The following SEMA4D variants were observed in gnomAD, a reference collection of about 807,000 sequenced individuals.
The protein encoded by SEMA4D is semaphorin 4D.
A neutral mutation model predicts 74.8 loss-of-function variants in SEMA4D; 22 were observed. That is an observed-to-expected ratio of 0.29 (90% CI 0.21 to 0.42). The LOEUF (loss-of-function observed/expected upper bound fraction) is 0.42, where lower values mean the gene tolerates loss of function less well. Ranked by LOEUF, SEMA4D falls within the 10% of genes least tolerant of loss-of-function variation. The pLI, the probability that SEMA4D is intolerant of heterozygous loss-of-function variation, is 1.00. For missense variants in SEMA4D, 937 were observed against 1,118.4 expected (o/e 0.84, Z 2.31); for synonymous variants, 445 against 463.7 (o/e 0.96, Z 0.52).
At chr9:89,475,108 A>AAGAACCTGC (rs935451850) in intron 1 of SEMA4D, among the ~76,000 whole-genome samples, 22 of 152,202 alleles carry the variant, frequency 1.4e-4, no homozygotes, top group Admixed American at 3.3e-4. Flanking sequence ...CAGGATGAGA[A>AAGAACCTGC]AGAACCTGCA....
chr9:89,455,068 G>T (rs550892783), intron 2 of SEMA4D, among the ~76,000 whole-genome samples: 1 of 152,242 alleles, frequency 6.6e-6, no homozygotes, highest in Admixed American at 6.5e-5. Flanking sequence ...CAGAGAAAAC[G>T]GGTAGCCTGG....
intron 13 of SEMA4D, chr9:89,386,064 T>C (rs1232340935): frequency 2.0e-6 from 2 of 985,190 alleles, no homozygotes; most frequent in African/African-American, 3.5e-5. Context: ...CATAAAAAGG[T>C]GTCTTCATGG....
rs1226787014 is a variant in SEMA4D, at chr9:89,363,542, G to A, written c.2093-15C>T. 4 of 1,613,674 alleles carry A rather than the reference G, an allele frequency of 2.5e-6. No individual in the cohort carries two copies. The South Asian group carries it at 3.3e-5, about 13-fold the overall frequency. On this transcript the variant is annotated splice_polypyrimidine_tract_variant and intron_variant, in intron 17 of 18. Coordinates refer to the SEMA4D transcript ENST00000339861. ...GTGGGTCACTTCTGGAAAACAAGCA[G>A]GGTCCCCAGGTCAAAGCTCTGTGGG...
At chr9:89,370,502 G>C (rs1422252004) in intron 16 of SEMA4D, among the ~76,000 whole-genome samples, 2 of 150,740 alleles carry the variant, frequency 1.3e-5, no homozygotes, top group African/African-American at 4.9e-5. Flanking sequence ...GAGGTATGGT[G>C]TGTGTGTGAT....
chr9:89,380,328 C>T (rs1237239923), intron 15 of SEMA4D, among the ~76,000 whole-genome samples: 2 of 151,952 alleles, frequency 1.3e-5, no homozygotes, highest in African/African-American at 2.4e-5. Context: ...CCACTGTGCC[C>T]GGCCAGCTTT....
At chr9:89,439,823 G>A (rs1023788313) in intron 2 of SEMA4D, among the ~76,000 whole-genome samples, 3 of 152,190 alleles carry the variant, frequency 2.0e-5, no homozygotes, top group Admixed American at 6.5e-5. Context: ...AAAAGTCAGT[G>A]ATGCCCCCAC....
intron 2 of SEMA4D, among the ~76,000 whole-genome samples, chr9:89,423,834 C>T (rs1847524133): frequency 6.8e-6 from 1 of 146,596 alleles, no homozygotes; most frequent in Admixed American, 6.7e-5. Context: ...CCTCCCTCAG[C>T]TACTCCCTCA....
At chr9:89,389,489 C>T (rs995708435) in intron 9 of SEMA4D, among the ~76,000 whole-genome samples, 2 of 152,362 alleles carry the variant, frequency 1.3e-5, no homozygotes, top group Non-Finnish European at 1.5e-5. Context: ...GGACAGCCAC[C>T]GGCCCTGCAG....
intron 1 of SEMA4D, among the ~76,000 whole-genome samples, chr9:89,456,761 A>G (rs1415838326): frequency 6.6e-6 from 1 of 152,110 alleles, no homozygotes; most frequent in Non-Finnish European, 1.5e-5. Context: ...TGATTTTTGT[A>G]TCTTTTTTAG....
At chr9:89,387,171 T>C in intron 12 of SEMA4D, 1 of 535,548 alleles carries the variant, frequency 1.9e-6, no homozygotes, top group Non-Finnish European at 3.3e-6. Context: ...TTTTTATTTT[T>C]AACAAGTACC....
rs560843028 is a variant in SEMA4D, at chr9:89,441,288, T to C, written c.-244+14600A>G. Among the ~76,000 whole-genome samples the C allele has an allele frequency of 3.9e-5, 6 of 152,356 alleles. No individual in the cohort carries two copies. The South Asian group carries it at 1.2e-3, about 32-fold the overall frequency. On this transcript the variant is annotated intron_variant, in intron 2 of 15. Coordinates refer to ENST00000422704, the MANE Select transcript of SEMA4D (RefSeq NM_001371194.2). ...GCAGGACTCGGCCGGGCGGCACTGT[T>C]CCTCCCAGCAGCGGGCAATTTCCAC...
At chr9:89,427,817 G>A (rs1008036879) in intron 2 of SEMA4D, among the ~76,000 whole-genome samples, 4 of 152,202 alleles carry the variant, frequency 2.6e-5, no homozygotes, top group Admixed American at 2.0e-4. Flanking sequence ...GAATGTGTGC[G>A]ACGTGGCGGG....
chr9:89,412,458 T>C (rs1844744201), intron 2 of SEMA4D, among the ~76,000 whole-genome samples: 1 of 152,222 alleles, frequency 6.6e-6, no homozygotes, highest in Non-Finnish European at 1.5e-5. Context: ...TGGTGCTGTT[T>C]ATGCGGTTAC....
In SEMA4D at chr9:89,378,479, A is replaced by G. The variant is rs1836223030; in HGVS notation, c.*225T>C. 1 of 538,892 alleles carries G rather than the reference A, an allele frequency of 1.9e-6. No individual in the cohort carries two copies. The highest frequency in any genetic ancestry group is 3.3e-6 in the Non-Finnish European group (1 of 301,868). The allele number at this position is 538,892 out of a possible 1,614,324, so 33.4% of individuals were successfully genotyped here. On this transcript the variant is annotated 3_prime_UTR_variant, in exon 16 of 16. Coordinates refer to ENST00000422704, the MANE Select transcript of SEMA4D (RefSeq NM_001371194.2). Reference sequence around the variant, plus strand: ...CAAGTACTCCGACTGACTTCGGAACACAAGACTGGGATGCAATGCTTGTCA... The same window carrying G: ...CAAGTACTCCGACTGACTTCGGAACGCAAGACTGGGATGCAATGCTTGTCA...
rs760214139 is a variant in SEMA4D, at chr9:89,396,722, G to A, written c.414+15C>T. 6.2e-7 allele frequency: 1 copy of A among 1,605,846 alleles called. No homozygotes were observed. Among genetic ancestry groups the A allele is most frequent in the African/African-American group, 1.3e-5 (1 of 74,874 alleles). Reference sequence around the variant, plus strand: ...CAGGCTGGCGTGAGCACAGGGAGGTGCCCATCAGCCTTACCAGGTGGTCAC... The same window carrying A: ...CAGGCTGGCGTGAGCACAGGGAGGTACCCATCAGCCTTACCAGGTGGTCAC... On this transcript the variant is annotated intron_variant, in intron 6 of 15. Coordinates refer to ENST00000422704, the MANE Select transcript of SEMA4D (RefSeq NM_001371194.2).
chr9:89,402,231 G>C (rs1842364426), intron 4 of SEMA4D, among the ~76,000 whole-genome samples: 1 of 152,220 alleles, frequency 6.6e-6, no homozygotes, highest in Admixed American at 6.5e-5. Flanking sequence ...GGAGCAATGT[G>C]AAGAGTGGGA....
chr9:89,389,083 G>A, intron 9 of SEMA4D, 36 bp from the exon 10 acceptor site: 1 of 1,611,222 alleles, frequency 6.2e-7, no homozygotes, highest in Non-Finnish European at 8.5e-7. Flanking sequence ...TGGGCCGAGA[G>A]TGGATCCCCT....
chr9:89,490,499 T>C (rs116501566), intron 1 of SEMA4D, among the ~76,000 whole-genome samples: 3,361 of 152,344 alleles, frequency 0.022, 65 homozygotes, highest in South Asian at 0.075. Context: ...CTTTTCACTG[T>C]CAGTGTGGCA....
chr9:89,377,170 G>C, downstream of SEMA4D: 1 of 1,424,402 alleles, frequency 7.0e-7, no homozygotes, highest in Non-Finnish European at 9.2e-7. Context: ...GAGCCCAGCT[G>C]TCCCGCCTGG....
Sources: allele counts gnomAD v4.1 joint callset (sites outside exome capture counted in the v4.1 genomes callset), GRCh38; gene constraint gnomAD v4.1.1; transcripts MANE v1.5; gene names NCBI Gene and HGNC (gene_info 2026-07-23, HGNC 2026-07-21).